The following RBM10 variants were observed in gnomAD, a reference collection of about 807,000 sequenced individuals.
RBM10 encodes RNA binding motif protein 10.
In RBM10, 1 loss-of-function variant was observed where a neutral mutation model predicts 84.9. The observed-to-expected ratio is 0.01, with a 90% confidence interval of 0.00 to 0.06. The LOEUF (loss-of-function observed/expected upper bound fraction) is 0.06, where lower values mean the gene tolerates loss of function less well. Ranked by LOEUF, RBM10 falls within the 10% of genes least tolerant of loss-of-function variation. The probability of loss-of-function intolerance (pLI) is 1.00; values close to 1 mark genes in which losing one functional copy is unlikely to be tolerated. For synonymous variants in RBM10, 326 were observed against 344.5 expected (o/e 0.95, Z 0.60); for missense variants, 438 against 839.0 (o/e 0.52, Z 5.90).
At chrX:47,163,859 A>AT (rs35919377) in intron 2 of RBM10, among the ~76,000 whole-genome samples, 1,507 of 39,998 alleles carry the variant, frequency 0.038, 181 homozygotes, top group African/African-American at 0.062. Flanking sequence ...CGCCTGGCTA[A>AT]TTTTTTTTTT....
At chrX:47,172,894 C>G (rs1170076886) in intron 4 of RBM10, among the ~76,000 whole-genome samples, 1 of 112,628 alleles carries the variant, frequency 8.9e-6, no homozygotes, top group Non-Finnish European at 1.9e-5. Context: ...TTACCTTGCT[C>G]TGTGCCCATT....
chrX:47,163,399 A>G (rs1368870645), intron 2 of RBM10, among the ~76,000 whole-genome samples: 2 of 112,617 alleles, frequency 1.8e-5, no homozygotes, highest in Non-Finnish European at 1.9e-5. Context: ...GGTGAAGGGT[A>G]TACAGGGATT....
At chrX:47,164,365 C>T (rs1022877386) in intron 2 of RBM10, among the ~76,000 whole-genome samples, 1 of 109,862 alleles carries the variant, frequency 9.1e-6, no homozygotes, top group Non-Finnish European at 1.9e-5. Context: ...TGGTGAAACC[C>T]CTGTCTCTAC....
Position 47,147,465 on chromosome X carries a change from G to A in RBM10, c.-17G>A. On this transcript the variant is annotated 5_prime_UTR_variant, in exon 2 of 24. Transcript: ENST00000377604. ...CTGAGGAGGGGCCCCAGCAGCCCCC[G>A]AAGGCCCTATCAGGACATGGAGTAT... The A allele has an allele frequency of 4.1e-6, 5 of 1,211,626 alleles. No individual in the cohort carries two copies. The highest frequency in any genetic ancestry group is 2.2e-5 in the Admixed American group (1 of 45,989).
intron 2 of RBM10, among the ~76,000 whole-genome samples, chrX:47,163,949 A>G (rs1199596788): frequency 1.1e-5 from 1 of 94,768 alleles, no homozygotes; most frequent in African/African-American, 4.2e-5. Context: ...GCTCACTGCA[A>G]GCTCCACCTC....
At chrX:47,158,864 A>G (rs1933408568) in intron 2 of RBM10, among the ~76,000 whole-genome samples, 1 of 112,190 alleles carries the variant, frequency 8.9e-6, no homozygotes. Flanking sequence ...TGATATTCCA[A>G]TATTTACATT....
At chrX:47,176,274 C>T (rs1346264267) in intron 6 of RBM10, among the ~76,000 whole-genome samples, 1 of 111,481 alleles carries the variant, frequency 9.0e-6, no homozygotes, top group Non-Finnish European at 1.9e-5. Flanking sequence ...TGTGTGTTCA[C>T]ATGTGTGCGT....
intron 4 of RBM10, 114 bp downstream of exon 4, chrX:47,171,372 C>A: frequency 4.7e-6 from 5 of 1,058,573 alleles, no homozygotes; most frequent in Non-Finnish European, 3.8e-6. Context: ...TCCCTTCTCC[C>A]CCTCCAGCTC....
At chrX:47,182,483 C>G (rs1285568911) in intron 17 of RBM10, among the ~76,000 whole-genome samples, 157 bp downstream of exon 17, 1 of 113,208 alleles carries the variant, frequency 8.8e-6, no homozygotes, top group African/African-American at 3.2e-5. Context: ...CCCAGCTCTG[C>G]TCTTTGCTGA....
At chrX:47,180,956 C>T (rs1935482494) in intron 12 of RBM10, among the ~76,000 whole-genome samples, 1 of 111,816 alleles carries the variant, frequency 8.9e-6, no homozygotes. Context: ...CCAACACACA[C>T]GCCACACACA....
chrX:47,145,283 C>A lies in RBM10; in HGVS notation c.-328C>A. The A allele has an allele frequency of 1.8e-6, 1 of 554,039 alleles. No homozygotes were observed. The highest frequency in any genetic ancestry group is 3.0e-6 in the Non-Finnish European group (1 of 329,216). 45.7% of individuals were successfully genotyped at this position (554,039 alleles called of 1,213,427 possible). On this transcript the variant is annotated 5_prime_UTR_variant, in exon 1 of 24. It adds an upstream start codon to the 5' untranslated region. Transcript: ENST00000377604. ...CGTCGTCGCCATTTTGAGCTGGTGACTGTGGCCGGCTGGGAGTAGGCGGCA... is the reference window on the plus strand; with the variant it reads ...CGTCGTCGCCATTTTGAGCTGGTGAATGTGGCCGGCTGGGAGTAGGCGGCA...
At chrX:47,162,455 TAATA>T (rs1933794084) in intron 2 of RBM10, among the ~76,000 whole-genome samples, 1 of 112,091 alleles carries the variant, frequency 8.9e-6, no homozygotes, top group Admixed American at 9.5e-5. Context: ...CTATATTATT[TAATA>T]GTTATCATAA....
rs782265109 is a variant in RBM10 at position 47,186,220 on chromosome X, G to A, written c.2538-38G>A. Reference sequence around the variant, plus strand: ...GGGTCTGGAGCCCGGGGCCGGGGCCGGCAGGCCGACCACTCATGCTGTGCA... The same window carrying A: ...GGGTCTGGAGCCCGGGGCCGGGGCCAGCAGGCCGACCACTCATGCTGTGCA... On this transcript the variant is annotated intron_variant, in intron 22 of 23. Coordinates refer to ENST00000377604, the MANE Select transcript of RBM10 (RefSeq NM_005676.5). The A allele has an allele frequency of 3.0e-5, 36 of 1,208,689 alleles. No individual in the cohort carries two copies. In the South Asian group the frequency reaches 4.6e-4, roughly 15 times the overall value.
At chrX:47,174,855 C>T (rs1935008758) in intron 5 of RBM10, among the ~76,000 whole-genome samples, 164 bp from the exon 6 acceptor site, 1 of 108,885 alleles carries the variant, frequency 9.2e-6, no homozygotes, top group Admixed American at 9.8e-5. Context: ...CCCACGCCCG[C>T]TAGTCTTTCT....
chrX:47,161,090 A>ATTTC (rs1165327228), intron 2 of RBM10, among the ~76,000 whole-genome samples: 11 of 109,883 alleles, frequency 1.0e-4, no homozygotes, highest in East Asian at 5.7e-4. Flanking sequence ...CACACAGCTA[A>ATTTC]TTTCTTTCTT....
intron 2 of RBM10, among the ~76,000 whole-genome samples, chrX:47,155,192 C>T (rs1367425644): frequency 2.9e-5 from 3 of 105,067 alleles, no homozygotes; most frequent in Non-Finnish European, 5.8e-5. Context: ...AAGCTGAGTT[C>T]GTGGGGACAG....
At chrX:47,180,828 C>T (rs782787479) in intron 12 of RBM10, among the ~76,000 whole-genome samples, 6 of 111,453 alleles carry the variant, frequency 5.4e-5, no homozygotes, top group Admixed American at 9.5e-5. Flanking sequence ...GTAATATATA[C>T]ATATATGATA....
chrX:47,184,621 T>C (rs1015375383), intron 17 of RBM10, among the ~76,000 whole-genome samples: 5 of 110,556 alleles, frequency 4.5e-5, no homozygotes, highest in Admixed American at 3.9e-4. Flanking sequence ...CTGCCTCAGC[T>C]TCCACTCATC....
At chrX:47,147,547 G>T in intron 2 of RBM10, 49 bp downstream of exon 2, 1 of 1,194,429 alleles carries the variant, frequency 8.4e-7, no homozygotes. Context: ...TTGCGTCTAT[G>T]TGAGAATTGA....
Sources: gnomAD v4.1 joint callset for allele counts (sites outside exome capture counted in the v4.1 genomes callset) on GRCh38, gnomAD v4.1.1 for gene constraint, MANE v1.5 for transcripts, NCBI Gene and HGNC (gene_info 2026-07-23, HGNC 2026-07-21) for gene names.